The following CALN1 variants were observed in gnomAD, a reference collection of about 807,000 sequenced individuals.
CALN1 encodes the protein calcium-binding protein 8.
A neutral mutation model predicts 30.6 loss-of-function variants in CALN1; 17 were observed. That is an observed-to-expected ratio of 0.56 (90% CI 0.38 to 0.83). CALN1 has a LOEUF of 0.83. CALN1 is among the 40% of genes least tolerant of loss of function. CALN1 has a pLI of 0.00. For missense variants in CALN1, 291 were observed against 354.9 expected (o/e 0.82, Z 1.45); for synonymous variants, 156 against 131.4 (o/e 1.19, Z -1.28).
At chr7:71,922,641 GAATAT>G (rs907637619) in intron 5 of CALN1, among the ~76,000 whole-genome samples, 7 of 124,540 alleles carry the variant, frequency 5.6e-5, no homozygotes, top group East Asian at 2.2e-4. Flanking sequence ...ATATATAACA[GAATAT>G]ATTATATATA....
intron 3 of CALN1, among the ~76,000 whole-genome samples, chr7:72,188,564 G>C (rs1043015416): frequency 1.1e-4 from 16 of 151,998 alleles, no homozygotes; most frequent in African/African-American, 3.4e-4. Flanking sequence ...AGGGTGGGAG[G>C]GGGGTGAGGA....
chr7:72,263,088 G>A (rs1796377132), intron 3 of CALN1, among the ~76,000 whole-genome samples: 1 of 152,186 alleles, frequency 6.6e-6, no homozygotes, highest in Admixed American at 6.5e-5. Flanking sequence ...ATTTGCCCCA[G>A]TGTTGGGGTG....
intron 2 of CALN1, among the ~76,000 whole-genome samples, chr7:72,380,994 G>A (rs922071361): frequency 6.6e-6 from 1 of 152,112 alleles, no homozygotes; most frequent in Non-Finnish European, 1.5e-5. Context: ...AAAATAAGGA[G>A]AGAGGAATGA....
chr7:72,130,771 T>C (rs1809086297), intron 3 of CALN1, among the ~76,000 whole-genome samples: 1 of 152,174 alleles, frequency 6.6e-6, no homozygotes, highest in African/African-American at 2.4e-5. Flanking sequence ...AAATTTGTGA[T>C]TGTAAAAGTA....
At chr7:72,223,956 C>T (rs1050860944) in intron 3 of CALN1, among the ~76,000 whole-genome samples, 5 of 152,170 alleles carry the variant, frequency 3.3e-5, no homozygotes, top group Middle Eastern at 3.4e-3. Flanking sequence ...ATTGGGTACA[C>T]GCAGACATGA....
chr7:72,178,309 G>A (rs539900702), intron 3 of CALN1, among the ~76,000 whole-genome samples: 9 of 151,620 alleles, frequency 5.9e-5, no homozygotes, highest in South Asian at 2.1e-4. Flanking sequence ...AAAGGCAATG[G>A]GAAGTATAAC....
At chr7:72,178,482 G>A (rs1789528722) in intron 3 of CALN1, among the ~76,000 whole-genome samples, 1 of 152,098 alleles carries the variant, frequency 6.6e-6, no homozygotes, top group Non-Finnish European at 1.5e-5. Flanking sequence ...CACGAGGTCA[G>A]GAGTTCGAGA....
chr7:71,968,414 T>C lies in CALN1; in HGVS notation c.501+55243A>G, dbSNP rs76314023. Among the ~76,000 whole-genome samples, 806 of 152,228 alleles carry C rather than the reference T, an allele frequency of 5.3e-3. 9 individuals carry two copies. Among genetic ancestry groups the C allele is most frequent in the African/African-American group, 0.018 (766 of 41,550 alleles). On this transcript the variant is annotated intron_variant, in intron 5 of 6. Transcript: ENST00000395275. ...CTGACTCCAAAGGTACATGAGGCCTTCTTTGGAGTGACAGAAATACTCTCT... is the reference window on the plus strand; with the variant it reads ...CTGACTCCAAAGGTACATGAGGCCTCCTTTGGAGTGACAGAAATACTCTCT...
chr7:72,464,882 C>A, the CALN1 span, among the ~76,000 whole-genome samples: 1 of 152,130 alleles, frequency 6.6e-6, no homozygotes, highest in African/African-American at 2.4e-5. Flanking sequence ...GGACCCGACC[C>A]AACCTAAGAA....
intron 4 of CALN1, among the ~76,000 whole-genome samples, chr7:72,047,460 G>A (rs1043827431): frequency 6.6e-6 from 1 of 152,120 alleles, no homozygotes; most frequent in Non-Finnish European, 1.5e-5. Context: ...GTGGTGGTGA[G>A]TGCCTGTAGT....
chr7:72,128,971 A>G (rs1204560753), intron 3 of CALN1, among the ~76,000 whole-genome samples: 1 of 152,232 alleles, frequency 6.6e-6, no homozygotes, highest in Non-Finnish European at 1.5e-5. Context: ...TTATGTTACA[A>G]AAGAGGAGCT....
intron 3 of CALN1, among the ~76,000 whole-genome samples, chr7:72,256,017 C>T (rs183491580): frequency 2.0e-5 from 3 of 152,310 alleles, no homozygotes; most frequent in East Asian, 1.9e-4. Flanking sequence ...CGTGAGCCAC[C>T]GCGCCCTGCC....
intron 6 of CALN1, among the ~76,000 whole-genome samples, chr7:71,805,625 ATT>A (rs1438889931): frequency 6.6e-6 from 1 of 152,034 alleles, no homozygotes; most frequent in Non-Finnish European, 1.5e-5. Context: ...AATAAACCAA[ATT>A]TGACACACAC....
chr7:72,426,968 G>A (rs572646667), intron 1 of CALN1, among the ~76,000 whole-genome samples: 1 of 152,140 alleles, frequency 6.6e-6, no homozygotes, highest in East Asian at 1.9e-4. Context: ...CCTGCCTATT[G>A]TCTGCAGAAT....
At chr7:72,317,318 C>T (rs1056255985) in intron 2 of CALN1, among the ~76,000 whole-genome samples, 1 of 152,004 alleles carries the variant, frequency 6.6e-6, no homozygotes, top group East Asian at 1.9e-4. Flanking sequence ...AAGGTGTTTC[C>T]AAATGAGAAA....
chr7:72,375,943 T>C (rs1021127525), intron 2 of CALN1, among the ~76,000 whole-genome samples: 5 of 152,318 alleles, frequency 3.3e-5, no homozygotes, highest in Admixed American at 6.5e-5. Flanking sequence ...CAAACACTTA[T>C]CTACATTTCA....
At position 72,407,536 on chromosome 7, in the gene CALN1, TCTC is replaced by T. The variant is rs1311484513; in HGVS notation, c.-73-4097_-73-4095del. Among the ~76,000 whole-genome samples, 31 of 152,280 alleles carry T rather than the reference TCTC, an allele frequency of 2.0e-4. No homozygotes were observed. In the East Asian group the frequency reaches 3.5e-3, roughly 17 times the overall value. Reference sequence around the variant, plus strand: ...CAACTTTGCTGCTTCCCTCCTCTCTTCTCCTCCTGCTCTGGCCATGTGAAGACA... The same window carrying T: ...CAACTTTGCTGCTTCCCTCCTCTCTTCTCCTGCTCTGGCCATGTGAAGACA... On this transcript the variant is annotated intron_variant, in intron 1 of 6. Coordinates refer to ENST00000395275, the MANE Select transcript of CALN1 (RefSeq NM_031468.4).
the CALN1 span, among the ~76,000 whole-genome samples, chr7:72,486,514 G>A: frequency 6.6e-6 from 1 of 151,780 alleles, no homozygotes; most frequent in Non-Finnish European, 1.5e-5. Flanking sequence ...TAGGATTACA[G>A]GTGCATGCCA....
upstream of CALN1, among the ~76,000 whole-genome samples, chr7:72,451,206 A>G (rs1298615690): frequency 4.2e-5 from 5 of 118,908 alleles, no homozygotes; most frequent in Non-Finnish European, 6.7e-5. Flanking sequence ...GAAGAAGAAG[A>G]AGAAGGAGGA....
Sources: gnomAD v4.1 joint callset for allele counts (sites outside exome capture counted in the v4.1 genomes callset) on GRCh38, gnomAD v4.1.1 for gene constraint, MANE v1.5 for transcripts, NCBI Gene and HGNC (gene_info 2026-07-23, HGNC 2026-07-21) for gene names.